CRCP: variants seen among roughly 807,000 people sequenced by gnomAD.
The protein encoded by CRCP is DNA-directed RNA polymerase III subunit RPC9.
In CRCP, 18 loss-of-function variants were observed where a neutral mutation model predicts 18.5. The ratio of observed to expected loss-of-function variants is 0.97; its 90% CI spans 0.67 to 1.44. The LOEUF (loss-of-function observed/expected upper bound fraction) is 1.44, where lower values mean the gene tolerates loss of function less well. CRCP is among the 40% of genes most tolerant of loss of function. The probability of loss-of-function intolerance (pLI) is 0.00; values close to 1 mark genes in which losing one functional copy is unlikely to be tolerated. For synonymous variants in CRCP, 53 were observed against 62.9 expected, an observed-to-expected ratio of 0.84 and a Z score of 0.75; for missense variants, 130 against 176.4, an observed-to-expected ratio of 0.74 and a Z score of 1.49.
intron 1 of CRCP, 92 bp from the exon 2 acceptor site, chr7:66,127,612 C>G (rs927662298): frequency 1.4e-6 from 2 of 1,398,210 alleles, no homozygotes; most frequent in Non-Finnish European, 2.0e-6. Flanking sequence ...AAAAAGTGGA[C>G]TACTGTATCT....
At chr7:66,129,958 G>C (rs1337717861) in intron 2 of CRCP, among the ~76,000 whole-genome samples, 1 of 151,976 alleles carries the variant, frequency 6.6e-6, no homozygotes, top group East Asian at 1.9e-4. Flanking sequence ...ATCCTTGTGG[G>C]AAAGTTTGCT....
At chr7:66,143,862 G>A (rs879855104) in intron 4 of CRCP, among the ~76,000 whole-genome samples, 2 of 152,160 alleles carry the variant, frequency 1.3e-5, no homozygotes, top group Admixed American at 6.5e-5. Flanking sequence ...GGCGGCCTCT[G>A]GAAAGATTTT....
rs35682014 is a variant in CRCP, at chr7:66,130,097, C to CTTTTTTTT, written c.46-628_46-621dup. The CTTTTTTTT allele has an allele frequency of 8.9e-5, 9 of 100,576 alleles. 2 individuals are homozygous for CTTTTTTTT. Among genetic ancestry groups the CTTTTTTTT allele is most frequent in the South Asian group, 1.7e-4 (2 of 11,956 alleles). 6.2% of individuals were successfully genotyped at this position (100,576 alleles called of 1,614,324 possible). A position where few individuals can be genotyped will look rare whatever the true frequency, so the allele number is the denominator to read the frequency against. Reference sequence around the variant, plus strand: ...ATTTTTATACTAGAGAAGCAGGATTCTTTTTTTTTTTTTTTTTTTTTTTTT... The same window carrying CTTTTTTTT: ...ATTTTTATACTAGAGAAGCAGGATTCTTTTTTTTTTTTTTTTTTTTTTTTTTTTTTTTT... On this transcript the variant is annotated intron_variant, in intron 2 of 5. Transcript: ENST00000395326.
intron 4 of CRCP, among the ~76,000 whole-genome samples, chr7:66,143,521 A>T (rs1048152697): frequency 3.9e-5 from 6 of 152,012 alleles, no homozygotes; most frequent in African/African-American, 1.4e-4. Flanking sequence ...TTTTGTGTTG[A>T]AAAGCCATCA....
chr7:66,130,893 G>A (rs753236414), intron 3 of CRCP, 51 bp downstream of exon 3: 2 of 988,842 alleles, frequency 2.0e-6, no homozygotes, highest in South Asian at 2.8e-5. Context: ...GAGGGAGGGG[G>A]GTTTATTCTC....
chr7:66,122,402 G>A (rs948074039), intron 1 of CRCP, among the ~76,000 whole-genome samples: 2 of 146,664 alleles, frequency 1.4e-5, no homozygotes, highest in African/African-American at 5.0e-5. Context: ...AAAAGGCACT[G>A]TTTGCATGTG....
intron 4 of CRCP, among the ~76,000 whole-genome samples, chr7:66,142,086 C>A (rs1183619294): frequency 6.6e-6 from 1 of 152,136 alleles, no homozygotes; most frequent in Non-Finnish European, 1.5e-5. Flanking sequence ...TCCCTCTTCT[C>A]CCTCTTCACG....
intron 1 of CRCP, among the ~76,000 whole-genome samples, chr7:66,122,395 A>AT (rs1258633017): frequency 2.7e-5 from 4 of 150,684 alleles, no homozygotes; most frequent in Non-Finnish European, 5.9e-5. Context: ...AAAAAAAAAA[A>AT]GGCACTGTTT....
intron 4 of CRCP, among the ~76,000 whole-genome samples, chr7:66,142,513 C>G (rs1403886228): frequency 6.6e-6 from 1 of 152,144 alleles, no homozygotes; most frequent in Non-Finnish European, 1.5e-5. Context: ...ACACAGTCAA[C>G]CTATTTTTCT....
intron 5 of CRCP, among the ~76,000 whole-genome samples, chr7:66,149,364 A>T (rs139414002): frequency 2.0e-5 from 3 of 152,244 alleles, no homozygotes; most frequent in Non-Finnish European, 4.4e-5. Flanking sequence ...AAATAATAAA[A>T]AATAATTAGC....
chr7:66,137,104 T>C (rs1414974868), intron 4 of CRCP, among the ~76,000 whole-genome samples: 1 of 151,830 alleles, frequency 6.6e-6, no homozygotes, highest in Non-Finnish European at 1.5e-5. Flanking sequence ...ATAATAATAA[T>C]TTAAGATCAG....
At chr7:66,145,340 G>A (rs984887236) in intron 4 of CRCP, 103 bp from the exon 5 acceptor site, 23 of 1,157,092 alleles carry the variant, frequency 2.0e-5, no homozygotes, top group East Asian at 4.8e-5. Flanking sequence ...ACACTCCAGT[G>A]GTTCTCCCAT....
intron 1 of CRCP, among the ~76,000 whole-genome samples, chr7:66,118,490 A>G (rs1787339907): frequency 6.6e-6 from 1 of 152,240 alleles, no homozygotes; most frequent in African/African-American, 2.4e-5. Flanking sequence ...CACAGTAGGC[A>G]TTCAGCAAAT....
In CRCP at chr7:66,131,667, A is replaced by G. The variant is rs1283344245; in HGVS notation, c.144+825A>G. 2.0e-5 allele frequency among the ~76,000 whole-genome samples: 3 copies of G among 152,118 alleles called. No homozygotes were observed. The East Asian group carries it at 5.8e-4, about 29-fold the overall frequency. On this transcript the variant is annotated intron_variant, in intron 3 of 5. Coordinates refer to ENST00000395326, the MANE Select transcript of CRCP (RefSeq NM_014478.5). ...ATAATTCCTCCGAAATTTTATCTAT[A>G]TTCTTCCTCAAAAGCCACAAAATCT...
At chr7:66,118,761 A>G (rs991310712) in intron 1 of CRCP, among the ~76,000 whole-genome samples, 9 of 152,176 alleles carry the variant, frequency 5.9e-5, no homozygotes, top group African/African-American at 1.7e-4. Context: ...GCTCATAACT[A>G]CCATAGCCTT....
In CRCP at chr7:66,145,483, G is replaced by A. The variant is rs1788266706; in HGVS notation, c.280G>A (p.Ala94Thr). 3 of 1,614,010 alleles carry A rather than the reference G, an allele frequency of 1.9e-6. No homozygotes were observed. The highest frequency in any genetic ancestry group is 4.5e-5 in the East Asian group (2 of 44,872). The change falls in exon 5 of 6, where the codon GCT becomes ACT. Residue 94 changes from alanine to threonine, a missense_variant. Coordinates refer to ENST00000395326, the MANE Select transcript of CRCP (RefSeq NM_014478.5). ...GCTGCTGAACCACCGGCCTGTGACT[G>A]CTGTGGAGATCCAGCTGGTGAGTGA... ...LQLLNHRPVT[A>T]VEIQLMVEES...
chr7:66,140,947 A>G (rs1788118556), intron 4 of CRCP, among the ~76,000 whole-genome samples: 1 of 152,226 alleles, frequency 6.6e-6, no homozygotes, highest in Non-Finnish European at 1.5e-5. Flanking sequence ...AATTTAAAGC[A>G]GACTGTAGTA....
In CRCP at chr7:66,152,377, G is replaced by T; in HGVS notation, c.*20G>T. On this transcript the variant is annotated 3_prime_UTR_variant, in exon 6 of 6. Transcript: ENST00000395326. ...GCATAGAAGAGCACAGCTGGCCCCG[G>T]CGTTTCATGAAGTCAGAAGGCCTGG... is the stretch of plus-strand genomic sequence containing the variant. The T allele has an allele frequency of 6.2e-7, 1 of 1,612,758 alleles. No individual in the cohort carries two copies. Among genetic ancestry groups the T allele is most frequent in the South Asian group, 1.1e-5 (1 of 90,956 alleles).
chr7:66,115,203 T>C (rs540799454), intron 1 of CRCP, among the ~76,000 whole-genome samples: 1 of 152,304 alleles, frequency 6.6e-6, no homozygotes, highest in African/African-American at 2.4e-5. Context: ...GGCCGAGCAC[T>C]TCCGTGTCCG....
Sources: gnomAD v4.1 joint callset for allele counts (sites outside exome capture counted in the v4.1 genomes callset) on GRCh38, gnomAD v4.1.1 for gene constraint, MANE v1.5 for transcripts, NCBI Gene and HGNC (gene_info 2026-07-23, HGNC 2026-07-21) for gene names.